CACNA1C: variants seen among roughly 807,000 people sequenced by gnomAD.
CACNA1C encodes calcium voltage-gated channel subunit alpha1 C, also known as voltage-dependent L-type calcium channel subunit alpha-1C.
CACNA1C carries 30 observed loss-of-function variants against 229.0 expected under a neutral mutation model. The observed-to-expected ratio is 0.13, with a 90% confidence interval of 0.10 to 0.18. The LOEUF (loss-of-function observed/expected upper bound fraction) is 0.18, where lower values mean the gene tolerates loss of function less well. Ranked by LOEUF, CACNA1C falls within the 10% of genes least tolerant of loss-of-function variation. The probability of loss-of-function intolerance (pLI) is 1.00; values close to 1 mark genes in which losing one functional copy is unlikely to be tolerated. For synonymous variants in CACNA1C, 1,114 were observed against 1,132.5 expected, an observed-to-expected ratio of 0.98 and a Z score of 0.33; for missense variants, 1,658 against 2,845.0, an observed-to-expected ratio of 0.58 and a Z score of 9.49.
intron 3 of CACNA1C, among the ~76,000 whole-genome samples, chr12:2,435,129 G>T (rs1206519071): frequency 6.6e-6 from 1 of 152,180 alleles, no homozygotes; most frequent in Non-Finnish European, 1.5e-5. Flanking sequence ...AGGGGCTGCT[G>T]CTTGTTTCCC....
intron 1 of CACNA1C, among the ~76,000 whole-genome samples, chr12:2,013,264 C>T (rs151115141): frequency 1.1e-4 from 17 of 152,192 alleles, no homozygotes; most frequent in African/African-American, 3.9e-4. Context: ...ATGCCTGTGA[C>T]GTGTTTAGAA....
intron 3 of CACNA1C, among the ~76,000 whole-genome samples, chr12:2,286,298 G>T (rs913620782): frequency 6.6e-6 from 1 of 152,234 alleles, no homozygotes; most frequent in Non-Finnish European, 1.5e-5. Context: ...TAGGAAGCAA[G>T]AACCTTAATT....
Position 2,488,211 on chromosome 12 carries a change from G to A in CACNA1C, c.916+1949G>A, listed in dbSNP as rs574382128. The stretch of plus-strand genomic sequence containing the variant: ...TTTCCATCATCCTAACGAGAAAGCA[G>A]TCCAAGAGTGTTTTCTGCCGGTGGT... On this transcript the variant is annotated intron_variant, in intron 6 of 46. Coordinates refer to ENST00000399655, the MANE Select transcript of CACNA1C (RefSeq NM_000719.7). This position sits in a 1 kb window ranked among gnomAD's most constrained non-coding sequence, Gnocchi z 4.0. Among the ~76,000 whole-genome samples, 1 of 152,240 alleles carries A rather than the reference G, an allele frequency of 6.6e-6. No individual in the cohort carries two copies. Among genetic ancestry groups the A allele is most frequent in the Non-Finnish European group, 1.5e-5 (1 of 68,044 alleles).
intron 3 of CACNA1C, among the ~76,000 whole-genome samples, chr12:2,424,297 A>G (rs2099007521): frequency 6.6e-6 from 1 of 152,158 alleles, no homozygotes. Context: ...GAGAGGGGTG[A>G]TCTGAGAGGT....
intron 3 of CACNA1C, among the ~76,000 whole-genome samples, chr12:2,141,704 G>A (rs866013094): frequency 8.6e-5 from 13 of 151,406 alleles, no homozygotes; most frequent in Non-Finnish European, 1.3e-4. Context: ...ACTCCTTAGC[G>A]CCTCTGGCCC....
At chr12:2,135,343 C>T (rs2093178846) in intron 3 of CACNA1C, among the ~76,000 whole-genome samples, 1 of 146,676 alleles carries the variant, frequency 6.8e-6, no homozygotes, top group African/African-American at 2.6e-5. Context: ...TGTTCTGTTG[C>T]TGGTGAGGAG....
chr12:2,549,680 C>G (rs568568726), intron 9 of CACNA1C, among the ~76,000 whole-genome samples: 1 of 152,268 alleles, frequency 6.6e-6, no homozygotes, highest in South Asian at 2.1e-4. Flanking sequence ...AGGATGTGTC[C>G]TATGAGGTAA....
chr12:2,440,623 G>A (rs915353721), intron 3 of CACNA1C, among the ~76,000 whole-genome samples: 65 of 152,300 alleles, frequency 4.3e-4, no homozygotes, highest in East Asian at 3.7e-3. Context: ...TACCTGCCCA[G>A]CAGCTCCTGT....
rs2061996152 is a variant in CACNA1C, at chr12:2,585,291, C to T, written c.2340-85C>T. ...GGGGATCTGTCCCCTCTGGCCCCAA[C>T]AGGCCACAGGGCGGTTCCCTCCTAC... On this transcript the variant is annotated intron_variant, in intron 16 of 46. Transcript: ENST00000399655. This position sits in a 1 kb window ranked among gnomAD's most constrained non-coding sequence, Gnocchi z 4.1. 2 of 1,377,826 alleles carry T rather than the reference C, an allele frequency of 1.5e-6. No individual in the cohort carries two copies. Among genetic ancestry groups the T allele is most frequent in the African/African-American group, 1.4e-5 (1 of 69,000 alleles). 85.4% of individuals were successfully genotyped at this position (1,377,826 alleles called of 1,614,324 possible). A position where few individuals can be genotyped will look rare whatever the true frequency, so the allele number is the denominator to read the frequency against.
At chr12:2,641,766 C>G in intron 30 of CACNA1C, 1 of 702,490 alleles carries the variant, frequency 1.4e-6, no homozygotes, top group African/African-American at 1.7e-5. Flanking sequence ...TCAGGTGAGC[C>G]TTTAGCAACG....
rs528544427 is a variant in CACNA1C, at chr12:2,513,854, C to T, written c.1390+870C>T. Among the ~76,000 whole-genome samples the T allele has an allele frequency of 3.1e-4, 47 of 152,282 alleles. 1 individual carries two copies. The highest frequency in any genetic ancestry group is 8.8e-5 in the Non-Finnish European group (6 of 68,024). ...CCCAGGAATCTCTGTTTTGACAACTCCCCCAGGTGATCAAGATGCATAGTA... is the reference window on the plus strand; with the variant it reads ...CCCAGGAATCTCTGTTTTGACAACTTCCCCAGGTGATCAAGATGCATAGTA... On this transcript the variant is annotated intron_variant, in intron 9 of 46. Coordinates refer to ENST00000399655, the MANE Select transcript of CACNA1C (RefSeq NM_000719.7).
intron 1 of CACNA1C, among the ~76,000 whole-genome samples, chr12:2,106,508 GCTGGGTGTCCTGAAGCCA>G (rs1406706729): frequency 1.9e-5 from 2 of 102,856 alleles, no homozygotes; most frequent in East Asian, 6.6e-4. Flanking sequence ...TTCCACCTCA[GCTGGGTGTCCTGAAGCCA>G]CTGGGCGCCC....
chr12:2,204,789 G>A (rs1307950858), intron 3 of CACNA1C, among the ~76,000 whole-genome samples: 2 of 116,718 alleles, frequency 1.7e-5, no homozygotes, highest in East Asian at 2.5e-4. Context: ...TCTGGGGACT[G>A]TGGTGGGGTT....
At chr12:2,106,194 C>T (rs1387180146) in intron 1 of CACNA1C, among the ~76,000 whole-genome samples, 2 of 51,542 alleles carry the variant, frequency 3.9e-5, no homozygotes, top group Admixed American at 2.0e-4. Flanking sequence ...CTCAGCTGGG[C>T]GTCCTGAAGC....
chr12:2,690,956 C>A lies in CACNA1C; in HGVS notation c.6174C>A (p.Val2058=). 6.3e-7 allele frequency: 1 copy of A among 1,598,134 alleles called. No homozygotes were observed. The highest frequency in any genetic ancestry group is 1.1e-5 in the South Asian group (1 of 88,352). ...CTCAAGATCCCAAGTTCATCGAGGT[C>A]ACCACCCAGGAGCTGGCCGACGCCT... The part of the protein sequence containing the change: ...QFAQDPKFIE[V]TTQELADACD... Residue 2058 remains valine, a synonymous_variant, in exon 47 of 47, where the codon GTC becomes GTA. Coordinates refer to ENST00000399655, the MANE Select transcript of CACNA1C (RefSeq NM_000719.7).
chr12:2,252,332 CAG>C (rs1472749314), intron 3 of CACNA1C, among the ~76,000 whole-genome samples: 2 of 152,188 alleles, frequency 1.3e-5, no homozygotes, highest in African/African-American at 4.8e-5. Context: ...CTGGTTTAGA[CAG>C]AGTGGCCTCT....
chr12:2,299,282 G>C (rs1442575574), intron 3 of CACNA1C, among the ~76,000 whole-genome samples: 2 of 152,140 alleles, frequency 1.3e-5, no homozygotes, highest in African/African-American at 2.4e-5. Context: ...TGTGGTTTTT[G>C]CTTTTTTGTT....
intron 3 of CACNA1C, among the ~76,000 whole-genome samples, chr12:2,322,947 C>T (rs143379852): frequency 4.6e-5 from 7 of 152,306 alleles, no homozygotes; most frequent in South Asian, 4.1e-4. Context: ...CACGCTGTCC[C>T]GACGCTGTCT....
At chr12:2,455,202 C>G (rs772125296) in intron 4 of CACNA1C, among the ~76,000 whole-genome samples, 5 of 152,186 alleles carry the variant, frequency 3.3e-5, no homozygotes, top group Admixed American at 6.5e-5. Context: ...AAACAAAACC[C>G]TCTTGACTCC....
Sources: allele counts gnomAD v4.1 joint callset (sites outside exome capture counted in the v4.1 genomes callset), GRCh38; gene constraint gnomAD v4.1.1; non-coding constraint Gnocchi (gnomAD v3.1); transcripts MANE v1.5; gene names NCBI Gene and HGNC (gene_info 2026-07-23, HGNC 2026-07-21).